The following NELL1 variants were observed in gnomAD, a reference collection of about 807,000 sequenced individuals.
NELL1 encodes neural EGFL like 1.
NELL1 carries 76 observed loss-of-function variants against 107.4 expected under a neutral mutation model. The ratio of observed to expected loss-of-function variants is 0.71; its 90% CI spans 0.59 to 0.86. The LOEUF is 0.86. NELL1 is among the 40% of genes least tolerant of loss of function. The pLI is 0.00. For synonymous variants in NELL1, 353 were observed against 341.2 expected (o/e 1.03, Z -0.38); for missense variants, 1,024 against 1,005.5 (o/e 1.02, Z -0.25).
At chr11:20,814,049 G>A (rs1590319529) in intron 3 of NELL1, among the ~76,000 whole-genome samples, 1 of 151,980 alleles carries the variant, frequency 6.6e-6, no homozygotes, top group African/African-American at 2.4e-5. Flanking sequence ...AGGCTGGAGT[G>A]CAGTGGTGCG....
chr11:21,046,677 ATTATTTATTTAT>A (rs34098589), intron 12 of NELL1, among the ~76,000 whole-genome samples: 8,032 of 143,574 alleles, frequency 0.056, 673 homozygotes, highest in African/African-American at 0.18. Context: ...TATTTACTCA[ATTATTTATTTAT>A]TTATTTATTT....
intron 2 of NELL1, among the ~76,000 whole-genome samples, chr11:20,741,948 A>G (rs1424754126): frequency 6.6e-6 from 1 of 152,174 alleles, no homozygotes; most frequent in Non-Finnish European, 1.5e-5. Context: ...ATGGATTCTG[A>G]TTCAGGAGAT....
intron 12 of NELL1, among the ~76,000 whole-genome samples, chr11:20,990,127 C>A (rs1007405007): frequency 9.2e-5 from 14 of 152,066 alleles, no homozygotes; most frequent in African/African-American, 3.4e-4. Flanking sequence ...GGGGGGAGTA[C>A]AGTTTGGTTT....
intron 15 of NELL1, among the ~76,000 whole-genome samples, chr11:21,487,246 C>G (rs1342062507): frequency 1.3e-5 from 2 of 152,096 alleles, no homozygotes; most frequent in Non-Finnish European, 2.9e-5. Flanking sequence ...TATAGAGGAA[C>G]CACCATCAGA....
intron 3 of NELL1, among the ~76,000 whole-genome samples, chr11:20,822,436 A>G (rs374760483): frequency 5.4e-4 from 82 of 152,236 alleles, no homozygotes; most frequent in African/African-American, 1.9e-3. Context: ...TTTTGGTTGA[A>G]TGAATGCGAC....
At chr11:21,040,291 A>C (rs61880792) in intron 12 of NELL1, among the ~76,000 whole-genome samples, 12,451 of 152,172 alleles carry the variant, frequency 0.082, 667 homozygotes, top group South Asian at 0.16. Flanking sequence ...AAAATATATA[A>C]ATATTCTACT....
At chr11:21,246,112 A>G (rs1016753594) in intron 14 of NELL1, among the ~76,000 whole-genome samples, 3 of 152,176 alleles carry the variant, frequency 2.0e-5, no homozygotes, top group Non-Finnish European at 4.4e-5. Flanking sequence ...GACAGTAATA[A>G]CAGCTAATAT....
In NELL1 at chr11:21,468,682, T is replaced by C. The variant is rs147491127; in HGVS notation, c.1646-65692T>C. 3.3e-5 allele frequency among the ~76,000 whole-genome samples: 5 copies of C among 152,184 alleles called. No individual in the cohort carries two copies. The East Asian group carries it at 9.7e-4, about 29-fold the overall frequency. ...CCATACCTAAAGGGATCAAGATTGA[T>C]AAAATTCGAAAGCCCTCTTTAGCTC... On this transcript the variant is annotated intron_variant, in intron 15 of 19. Transcript: ENST00000357134.
At chr11:20,966,482 T>A (rs2134222819) in intron 12 of NELL1, among the ~76,000 whole-genome samples, 1 of 152,232 alleles carries the variant, frequency 6.6e-6, no homozygotes, top group South Asian at 2.1e-4. Context: ...AATTCTTAGT[T>A]CCTGCTCCCA....
intron 13 of NELL1, among the ~76,000 whole-genome samples, chr11:21,172,153 A>G (rs896087211): frequency 5.3e-5 from 8 of 151,878 alleles, no homozygotes; most frequent in African/African-American, 7.3e-5. Flanking sequence ...TGAACGCCAC[A>G]GGGTCATTAA....
At chr11:21,432,147 C>A (rs1246568362) in intron 15 of NELL1, among the ~76,000 whole-genome samples, 1 of 152,040 alleles carries the variant, frequency 6.6e-6, no homozygotes, top group Non-Finnish European at 1.5e-5. Context: ...TAAGGACCAT[C>A]CAGGATTCCT....
chr11:20,927,555 T>A, intron 8 of NELL1, 113 bp downstream of exon 8: 1 of 1,060,000 alleles, frequency 9.4e-7, no homozygotes, highest in Non-Finnish European at 1.3e-6. Flanking sequence ...AATTGTTAGG[T>A]TTTTACCTAG....
At chr11:21,024,094 T>C (rs925387194) in intron 12 of NELL1, among the ~76,000 whole-genome samples, 6 of 152,036 alleles carry the variant, frequency 3.9e-5, no homozygotes, top group Admixed American at 2.0e-4. Context: ...TCCTATTCTT[T>C]ATAGAGAAGA....
At chr11:21,528,042 A>G (rs140773334) in intron 15 of NELL1, among the ~76,000 whole-genome samples, 142 of 152,310 alleles carry the variant, frequency 9.3e-4, no homozygotes, top group Non-Finnish European at 1.5e-3. Flanking sequence ...TTGACACTCA[A>G]TATGAACCAT....
At chr11:20,686,582 A>G (rs1421511470) in intron 2 of NELL1, among the ~76,000 whole-genome samples, 1 of 152,144 alleles carries the variant, frequency 6.6e-6, no homozygotes, top group African/African-American at 2.4e-5. Flanking sequence ...AAATGGAAGG[A>G]GGTGTGGTAC....
chr11:21,404,190 A>G (rs1375279678), intron 15 of NELL1, among the ~76,000 whole-genome samples: 1 of 151,860 alleles, frequency 6.6e-6, no homozygotes, highest in African/African-American at 2.4e-5. Context: ...AGGGGGAAAT[A>G]TAAGGAAGAT....
intron 12 of NELL1, among the ~76,000 whole-genome samples, chr11:20,964,083 C>T (rs998670028): frequency 6.6e-6 from 1 of 152,152 alleles, no homozygotes; most frequent in African/African-American, 2.4e-5. Context: ...TTCATTTTGC[C>T]TTTTCTGACT....
chr11:21,539,694 C>G (rs2133976860), intron 16 of NELL1, among the ~76,000 whole-genome samples: 2 of 150,956 alleles, frequency 1.3e-5, no homozygotes, highest in Admixed American at 1.3e-4. Context: ...GCTTGTGGAG[C>G]CTGGGGTTTG....
Position 21,176,950 on chromosome 11 carries a change from A to C in NELL1, c.1427-52382A>C, listed in dbSNP as rs7480995. On this transcript the variant is annotated intron_variant, in intron 13 of 19. Coordinates refer to ENST00000357134, the MANE Select transcript of NELL1 (RefSeq NM_006157.5). ...GTTATTTGGTCAAGTCGAGTTCTTC[A>C]GTTTTTTTAATTTTTATTTTTAATT... Among the ~76,000 whole-genome samples, 1,302 of 150,946 alleles carry C rather than the reference A, an allele frequency of 8.6e-3. 46 individuals are homozygous for C. The highest frequency in any genetic ancestry group is 0.03 in the African/African-American group (1,221 of 40,522).
Sources: gnomAD v4.1 joint callset for allele counts (sites outside exome capture counted in the v4.1 genomes callset) on GRCh38, gnomAD v4.1.1 for gene constraint, MANE v1.5 for transcripts, NCBI Gene and HGNC (gene_info 2026-07-23, HGNC 2026-07-21) for gene names.